KCNH1: variants seen among roughly 807,000 people sequenced by gnomAD.
KCNH1 encodes potassium voltage-gated channel subfamily H member 1, also known as voltage-gated delayed rectifier potassium channel KCNH1.
A neutral mutation model predicts 69.2 loss-of-function variants in KCNH1; 27 were observed. That is an observed-to-expected ratio of 0.39 (90% confidence interval 0.29 to 0.54). The LOEUF is 0.54. KCNH1 is among the 20% of genes least tolerant of loss of function. The pLI, the probability that KCNH1 is intolerant of heterozygous loss-of-function variation, is 0.68. For synonymous variants in KCNH1, 456 were observed against 487.7 expected, an observed-to-expected ratio of 0.93 and a Z score of 0.86; for missense variants, 798 against 1,261.6, an observed-to-expected ratio of 0.63 and a Z score of 5.57.
chr1:210,952,681 C>G (rs1325979581), intron 6 of KCNH1, among the ~76,000 whole-genome samples: 1 of 148,594 alleles, frequency 6.7e-6, no homozygotes, highest in East Asian at 2.0e-4. Flanking sequence ...AAGACTCACT[C>G]TTAGAGAAAA....
At chr1:210,713,584 G>A (rs536641393) in intron 10 of KCNH1, among the ~76,000 whole-genome samples, 17 of 152,308 alleles carry the variant, frequency 1.1e-4, no homozygotes, top group African/African-American at 4.1e-4. Context: ...GCTTTGGGTG[G>A]TGAGTTTTTG....
chr1:210,830,679 A>G (rs1685139648), intron 7 of KCNH1, among the ~76,000 whole-genome samples: 1 of 152,326 alleles, frequency 6.6e-6, no homozygotes, highest in East Asian at 1.9e-4. Context: ...GGTATGAAAA[A>G]TGATGAGGTC....
intron 10 of KCNH1, 85 bp from the exon 11 acceptor site, chr1:210,684,223 G>C: frequency 7.2e-7 from 1 of 1,384,336 alleles, no homozygotes; most frequent in Non-Finnish European, 9.4e-7. Flanking sequence ...TGCCTATCTT[G>C]GCCCTCTGCT....
intron 7 of KCNH1, among the ~76,000 whole-genome samples, chr1:210,876,744 C>T (rs564412905): frequency 2.5e-4 from 38 of 152,102 alleles, no homozygotes; most frequent in East Asian, 9.7e-4. Context: ...AGCCATAAAG[C>T]GATGAGTAGC....
At chr1:211,097,371 A>G (rs1300989400) in intron 3 of KCNH1, among the ~76,000 whole-genome samples, 2 of 152,200 alleles carry the variant, frequency 1.3e-5, no homozygotes, top group Non-Finnish European at 2.9e-5. Flanking sequence ...CTTCCTAAGC[A>G]TTATATAAAA....
intron 8 of KCNH1, among the ~76,000 whole-genome samples, chr1:210,799,206 C>G (rs1019430907): frequency 6.6e-6 from 1 of 152,130 alleles, no homozygotes; most frequent in African/African-American, 2.4e-5. Context: ...CTCCCACAAA[C>G]TGTATGATAT....
chr1:211,051,394 A>G (rs1690202035), intron 5 of KCNH1, among the ~76,000 whole-genome samples: 1 of 152,048 alleles, frequency 6.6e-6, no homozygotes, highest in South Asian at 2.1e-4. Flanking sequence ...TCAAAGTAGA[A>G]AGTGCACATG....
At chr1:211,097,217 G>A (rs963443303) in intron 3 of KCNH1, among the ~76,000 whole-genome samples, 4 of 151,890 alleles carry the variant, frequency 2.6e-5, no homozygotes, top group African/African-American at 9.7e-5. Flanking sequence ...TAAGCAATGT[G>A]GAAAATAAGT....
chr1:210,821,704 G>C (rs1684932096), intron 7 of KCNH1, among the ~76,000 whole-genome samples: 1 of 152,086 alleles, frequency 6.6e-6, no homozygotes, highest in South Asian at 2.1e-4. Context: ...AAAAATTGCA[G>C]ATCATATGCC....
intron 1 of KCNH1, among the ~76,000 whole-genome samples, chr1:211,125,081 G>A (rs1178894269): frequency 2.6e-5 from 4 of 152,194 alleles, no homozygotes; most frequent in Non-Finnish European, 5.9e-5. Flanking sequence ...AAGAGAGCAA[G>A]CTAGAGACAT....
At chr1:211,066,421 AT>A (rs1398219842) in intron 5 of KCNH1, among the ~76,000 whole-genome samples, 1 of 152,166 alleles carries the variant, frequency 6.6e-6, no homozygotes, top group East Asian at 1.9e-4. Context: ...CAAAAAATTC[AT>A]TTTTGTTTCA....
At chr1:210,692,246 A>C (rs557146474) in intron 10 of KCNH1, among the ~76,000 whole-genome samples, 50 of 152,300 alleles carry the variant, frequency 3.3e-4, no homozygotes, top group African/African-American at 1.2e-3. Context: ...TGGATTGGAC[A>C]TATCTACTTT....
intron 10 of KCNH1, among the ~76,000 whole-genome samples, chr1:210,765,923 C>T (rs1039782139): frequency 4.6e-5 from 7 of 151,742 alleles, no homozygotes; most frequent in African/African-American, 1.2e-4. Context: ...ATTAGCCGGG[C>T]GTGGTGGCAG....
chr1:211,054,248 C>T (rs1351005875), intron 5 of KCNH1, among the ~76,000 whole-genome samples: 1 of 151,832 alleles, frequency 6.6e-6, no homozygotes, highest in Non-Finnish European at 1.5e-5. Flanking sequence ...CGTCCCTGCA[C>T]TCTAGCCTGA....
At position 211,074,118 on chromosome 1, in the gene KCNH1, C is replaced by A. The variant is rs865941109; in HGVS notation, c.558+8662G>T. Among the ~76,000 whole-genome samples the A allele has an allele frequency of 8.5e-3, 801 of 94,560 alleles. 6 individuals carry two copies. The highest frequency in any genetic ancestry group is 0.026 in the African/African-American group (753 of 29,422). 62.0% of individuals were successfully genotyped at this position (94,560 alleles called of 152,430 possible). A position where few individuals can be genotyped will look rare whatever the true frequency, so the allele number is the denominator to read the frequency against. On this transcript the variant is annotated intron_variant, in intron 5 of 10. Transcript: ENST00000271751. The stretch of plus-strand genomic sequence containing the variant: ...CAATTAAAAAAAAAAAAAAAAAAAA[C>A]CTTAATACTGAGTAACTACTATGTG...
intron 10 of KCNH1, among the ~76,000 whole-genome samples, chr1:210,719,023 C>T (rs540686701): frequency 4.8e-4 from 73 of 152,272 alleles, no homozygotes; most frequent in African/African-American, 1.7e-3. Flanking sequence ...CAAATGCCTT[C>T]GCACCATGTA....
intron 1 of KCNH1, among the ~76,000 whole-genome samples, chr1:211,132,228 T>C (rs558439175): frequency 3.3e-5 from 5 of 152,352 alleles, no homozygotes; most frequent in African/African-American, 1.2e-4. Flanking sequence ...TAACCAAATT[T>C]GCAAGATTGT....
At chr1:210,721,542 C>T (rs116628034) in intron 10 of KCNH1, among the ~76,000 whole-genome samples, 4,412 of 152,066 alleles carry the variant, frequency 0.029, 197 homozygotes, top group African/African-American at 0.098. Flanking sequence ...AGTTGATGGC[C>T]GAAATAAAAT....
At chr1:211,083,014 C>T (rs1690885767) in intron 4 of KCNH1, 116 bp from the exon 5 acceptor site, 3 of 773,862 alleles carry the variant, frequency 3.9e-6, no homozygotes, top group Non-Finnish European at 4.2e-6. Context: ...TCCTAAGCTC[C>T]CATGAGTCAC....
Sources: allele counts gnomAD v4.1 joint callset (sites outside exome capture counted in the v4.1 genomes callset), GRCh38; gene constraint gnomAD v4.1.1; transcripts MANE v1.5; gene names NCBI Gene and HGNC (gene_info 2026-07-23, HGNC 2026-07-21).